Variants in SLC28A3 observed in about 807,000 individuals in gnomAD.
The protein encoded by SLC28A3 is solute carrier family 28 member 3, also known as concentrative Na(+)-nucleoside cotransporter 3.
A neutral mutation model predicts 84.2 loss-of-function variants in SLC28A3; 68 were observed. That is an observed-to-expected ratio of 0.81 (90% CI 0.66 to 0.99). The LOEUF is 0.99. SLC28A3 is among the 50% of genes least tolerant of loss of function. The pLI is 0.00. For synonymous variants in SLC28A3, 267 were observed against 303.6 expected (o/e 0.88, Z 1.25); for missense variants, 712 against 841.5 (o/e 0.85, Z 1.90).
At chr9:84,313,552 A>G in intron 1 of SLC28A3, 98 bp from the exon 2 acceptor site, 1 of 922,048 alleles carries the variant, frequency 1.1e-6, no homozygotes, top group Non-Finnish European at 1.7e-6. Context: ...GGATGAGACA[A>G]ACAAAGATTA....
intron 1 of SLC28A3, among the ~76,000 whole-genome samples, chr9:84,319,614 G>T: frequency 6.6e-6 from 1 of 152,102 alleles, no homozygotes; most frequent in Non-Finnish European, 1.5e-5. Context: ...CACTCTTATT[G>T]TTGCTTTTGA....
chr9:84,366,034 G>A, the SLC28A3 span, among the ~76,000 whole-genome samples: 5 of 152,162 alleles, frequency 3.3e-5, no homozygotes, highest in Non-Finnish European at 7.4e-5. Flanking sequence ...TGGGCAACAC[G>A]AGTGAAACTC....
chr9:84,349,664 G>C, the SLC28A3 span, among the ~76,000 whole-genome samples: 524 of 152,300 alleles, frequency 3.4e-3, 2 homozygotes, highest in African/African-American at 0.012. Context: ...TGAAAACCTT[G>C]AGTTGAGCCT....
chr9:84,292,637 G>T (rs1392366614), intron 10 of SLC28A3, 31 bp downstream of exon 10: 1 of 1,530,244 alleles, frequency 6.5e-7, no homozygotes, highest in East Asian at 2.3e-5. Flanking sequence ...CATTTCAACA[G>T]ATGTTTTGTT....
At chr9:84,287,500 C>T (rs1219350225) in intron 12 of SLC28A3, among the ~76,000 whole-genome samples, 3 of 152,116 alleles carry the variant, frequency 2.0e-5, no homozygotes, top group Admixed American at 6.5e-5. Context: ...CATAAACACT[C>T]TGCTATATTT....
chr9:84,365,367 T>C, the SLC28A3 span, among the ~76,000 whole-genome samples: 1 of 152,312 alleles, frequency 6.6e-6, no homozygotes, highest in East Asian at 1.9e-4. Flanking sequence ...TTAAATTGGA[T>C]TATTAGATTT....
the SLC28A3 span, among the ~76,000 whole-genome samples, chr9:84,364,810 T>G: frequency 5.4e-3 from 823 of 152,334 alleles, 13 homozygotes; most frequent in East Asian, 0.046. Flanking sequence ...CTTAACATAA[T>G]GATCTCCAGT....
intron 1 of SLC28A3, among the ~76,000 whole-genome samples, chr9:84,324,786 A>G (rs1826497126): frequency 1.3e-5 from 2 of 152,194 alleles, no homozygotes; most frequent in Non-Finnish European, 2.9e-5. Flanking sequence ...AACCTTTGGT[A>G]TTCTGTCAAA....
At position 84,336,788 on chromosome 9, in the gene SLC28A3, G is replaced by A. The variant is rs375059912; in HGVS notation, c.60+3786C>T. ...CCAGCCTGCCCCCTTTCCCTATACC[G>A]TGTTCCCTTCCTCCATCCCAGGCTC... is the stretch of plus-strand genomic sequence containing the variant. On this transcript the variant is annotated intron_variant, in intron 1 of 17. Transcript: ENST00000376238. Among the ~76,000 whole-genome samples the A allele has an allele frequency of 9.9e-5, 15 of 152,262 alleles. No homozygotes were observed. In the East Asian group the frequency reaches 1.4e-3, roughly 14 times the overall value.
At chr9:84,280,627 G>T (rs569539510) in intron 15 of SLC28A3, among the ~76,000 whole-genome samples, 174 bp downstream of exon 15, 1 of 152,234 alleles carries the variant, frequency 6.6e-6, no homozygotes, top group African/African-American at 2.4e-5. Context: ...AGGTCAGTTT[G>T]GGTGTGCAAG....
At chr9:84,320,054 T>TG (rs1564170461) in intron 1 of SLC28A3, among the ~76,000 whole-genome samples, 2 of 128,470 alleles carry the variant, frequency 1.6e-5, no homozygotes, top group Non-Finnish European at 1.6e-5. Flanking sequence ...TTTTTTTTTT[T>TG]TTTTTTTTTT....
chr9:84,323,628 T>C (rs1297030347), intron 1 of SLC28A3, among the ~76,000 whole-genome samples: 1 of 152,038 alleles, frequency 6.6e-6, no homozygotes, highest in African/African-American at 2.4e-5. Context: ...TTTCATCATG[T>C]TGGCCAGGCT....
intron 8 of SLC28A3, among the ~76,000 whole-genome samples, chr9:84,296,799 G>A (rs1371245529): frequency 6.6e-6 from 1 of 152,236 alleles, no homozygotes; most frequent in Non-Finnish European, 1.5e-5. Context: ...CAAGGACTGG[G>A]ACTGAGGGGC....
At chr9:84,294,791 G>A (rs1825355191) in intron 8 of SLC28A3, among the ~76,000 whole-genome samples, 2 of 152,154 alleles carry the variant, frequency 1.3e-5, no homozygotes, top group Admixed American at 6.5e-5. Context: ...TGGTCTAAGC[G>A]TGTGTGTTTG....
At chr9:84,288,200 G>A in intron 11 of SLC28A3, 22 bp from the exon 12 acceptor site, 1 of 1,613,392 alleles carries the variant, frequency 6.2e-7, no homozygotes, top group Non-Finnish European at 8.5e-7. Context: ...GAAGAAAGAA[G>A]GCAAACCTGG....
In SLC28A3 at chr9:84,293,849, A is replaced by T. The variant is rs1290495877; in HGVS notation, c.942+346T>A. Among the ~76,000 whole-genome samples the T allele has an allele frequency of 2.6e-5, 4 of 152,240 alleles. No homozygotes were observed. The East Asian group carries it at 7.7e-4, about 29-fold the overall frequency. ...ATACAATTAAGGAGTAGCTTAAAAA[A>T]GAAAAAAAGATAAGCACAGGGCGGT... On this transcript the variant is annotated intron_variant, in intron 9 of 17. Coordinates refer to ENST00000376238, the MANE Select transcript of SLC28A3 (RefSeq NM_001199633.2).
chr9:84,347,020 C>G, the SLC28A3 span, among the ~76,000 whole-genome samples: 1 of 151,720 alleles, frequency 6.6e-6, no homozygotes, highest in Non-Finnish European at 1.5e-5. Flanking sequence ...ACTAAAAATA[C>G]AAAAAACTAG....
intron 1 of SLC28A3, among the ~76,000 whole-genome samples, chr9:84,323,918 A>T (rs1202405883): frequency 6.6e-6 from 1 of 152,056 alleles, no homozygotes; most frequent in Non-Finnish European, 1.5e-5. Context: ...TAGGCCTTGT[A>T]CAGTACAGTC....
intron 9 of SLC28A3, among the ~76,000 whole-genome samples, chr9:84,293,122 T>C (rs901270947): frequency 2.4e-4 from 36 of 152,354 alleles, no homozygotes; most frequent in African/African-American, 8.2e-4. Flanking sequence ...CAATAACTCT[T>C]TGAGAGAGGT....
Sources: allele counts gnomAD v4.1 joint callset (sites outside exome capture counted in the v4.1 genomes callset), GRCh38; gene constraint gnomAD v4.1.1; transcripts MANE v1.5; gene names NCBI Gene and HGNC (gene_info 2026-07-23, HGNC 2026-07-21).